Variants in CCDC141 observed in about 807,000 individuals in gnomAD.
CCDC141 encodes coiled-coil domain containing 141.
A neutral mutation model predicts 181.0 loss-of-function variants in CCDC141; 168 were observed. That is an observed-to-expected ratio of 0.93 (90% CI 0.82 to 1.05). CCDC141 has a LOEUF of 1.05. CCDC141 is among the 50% of genes least tolerant of loss of function. CCDC141 has a pLI of 0.00. For synonymous variants in CCDC141, 666 were observed against 642.3 expected, an observed-to-expected ratio of 1.04 and a Z score of -0.56; for missense variants, 1,902 against 1,788.5, an observed-to-expected ratio of 1.06 and a Z score of -1.14.
At chr2:178,885,624 A>T (rs538542675) in intron 10 of CCDC141, among the ~76,000 whole-genome samples, 1 of 152,322 alleles carries the variant, frequency 6.6e-6, no homozygotes, top group African/African-American at 2.4e-5. Context: ...AAAATCAGTG[A>T]CTTTGACTTG....
At chr2:178,910,097 G>A (rs1005681694) in intron 7 of CCDC141, among the ~76,000 whole-genome samples, 3 of 152,106 alleles carry the variant, frequency 2.0e-5, no homozygotes, top group Admixed American at 2.0e-4. Context: ...AACCAATAAA[G>A]ACCTTTCCTT....
chr2:178,817,841 T>C, the CCDC141 span, among the ~76,000 whole-genome samples: 1 of 124,872 alleles, frequency 8.0e-6, no homozygotes, highest in African/African-American at 3.2e-5. Flanking sequence ...CTCATTCTGT[T>C]GCCTAGGCTG....
chr2:178,944,772 CCA>C, intron 5 of CCDC141, 121 bp from the exon 6 acceptor site: 1 of 463,998 alleles, frequency 2.2e-6, no homozygotes, highest in Non-Finnish European at 3.8e-6. Flanking sequence ...TTTATATAAA[CCA>C]TCTCATGTAT....
At chr2:178,968,261 C>A (rs936412960) in intron 4 of CCDC141, among the ~76,000 whole-genome samples, 1 of 152,204 alleles carries the variant, frequency 6.6e-6, no homozygotes, top group African/African-American at 2.4e-5. Flanking sequence ...CAGAACTCTC[C>A]ACCTCAATTC....
chr2:178,849,195 A>C (rs990378507), intron 21 of CCDC141, among the ~76,000 whole-genome samples: 8 of 152,240 alleles, frequency 5.3e-5, no homozygotes, highest in Non-Finnish European at 1.2e-4. Context: ...TCTGAACTGC[A>C]AGACCACCAC....
intron 2 of CCDC141, among the ~76,000 whole-genome samples, chr2:179,003,859 A>G (rs1387580841): frequency 1.3e-5 from 2 of 151,670 alleles, no homozygotes; most frequent in Non-Finnish European, 3.0e-5. Flanking sequence ...TGTTTTTAAA[A>G]TAATTGCTTT....
At chr2:178,854,694 T>C (rs1685309087) in intron 19 of CCDC141, among the ~76,000 whole-genome samples, 1 of 152,208 alleles carries the variant, frequency 6.6e-6, no homozygotes, top group Non-Finnish European at 1.5e-5. Flanking sequence ...ACTGATCATT[T>C]TGATTCTCCT....
chr2:178,872,473 A>G (rs189537488), intron 12 of CCDC141, among the ~76,000 whole-genome samples, 161 bp from the exon 13 acceptor site: 12 of 152,290 alleles, frequency 7.9e-5, no homozygotes, highest in Admixed American at 5.9e-4. Context: ...GGCACAGTTC[A>G]GCTCTCGGAA....
chr2:178,840,068 A>G (rs1684659758), intron 22 of CCDC141, among the ~76,000 whole-genome samples: 1 of 152,180 alleles, frequency 6.6e-6, no homozygotes, highest in African/African-American at 2.4e-5. Context: ...GTTTCCACCA[A>G]TGGATCTGAA....
At chr2:178,966,787 T>C (rs1236583812) in intron 4 of CCDC141, among the ~76,000 whole-genome samples, 1 of 151,554 alleles carries the variant, frequency 6.6e-6, no homozygotes, top group African/African-American at 2.4e-5. Flanking sequence ...AGAAGGTAGG[T>C]AATAACAAAC....
intron 8 of CCDC141, among the ~76,000 whole-genome samples, chr2:178,901,723 T>A: frequency 6.6e-6 from 1 of 150,842 alleles, no homozygotes; most frequent in Admixed American, 6.6e-5. Context: ...CTCTCACCAC[T>A]CCTATTCAAC....
chr2:178,870,298 T>C (rs1263880992), intron 14 of CCDC141, among the ~76,000 whole-genome samples: 4 of 148,024 alleles, frequency 2.7e-5, no homozygotes, highest in African/African-American at 1.0e-4. Flanking sequence ...ATTTCAAGTG[T>C]AGATCTTTTG....
intron 7 of CCDC141, among the ~76,000 whole-genome samples, chr2:178,914,333 A>C (rs1274430204): frequency 1.3e-5 from 2 of 152,232 alleles, no homozygotes; most frequent in African/African-American, 4.8e-5. Flanking sequence ...CACATTAGGA[A>C]ACTCTAAAAA....
At chr2:178,967,915 T>TA (rs1029696043) in intron 4 of CCDC141, among the ~76,000 whole-genome samples, 9 of 149,534 alleles carry the variant, frequency 6.0e-5, no homozygotes, top group African/African-American at 1.5e-4. Context: ...AAATGGAAAG[T>TA]AAAAAAAAAG....
rs1690391825 is a variant in CCDC141, at chr2:178,961,412, A to G, written c.598T>C (p.Cys200Arg). The G allele has an allele frequency of 6.4e-7, 1 of 1,550,520 alleles. No homozygotes were observed. Among genetic ancestry groups the G allele is most frequent in the Non-Finnish European group, 8.7e-7 (1 of 1,146,934 alleles). Reference protein sequence around the residue: ...QLTDFIEKFKCEGPNVNPELT... With the variant: ...QLTDFIEKFKREGPNVNPELT... The stretch of plus-strand genomic sequence containing the variant: ...TCAGGATTCACATTAGGTCCTTCAC[A>G]CTTGAATTTTTCTATGAAGTCAGTG... The change falls in exon 5 of 24, where the codon TGT becomes CGT. Residue 200 changes from cysteine (C) to arginine (R), a missense_variant. Coordinates refer to ENST00000443758, the MANE Select transcript of CCDC141 (RefSeq NM_173648.4).
At chr2:179,049,810 C>G in intron 1 of CCDC141, 30 bp downstream of exon 1, 1 of 1,549,974 alleles carries the variant, frequency 6.5e-7, no homozygotes, top group South Asian at 1.2e-5. Context: ...AGCCCACAGC[C>G]GCACAGAAAA....
At chr2:178,955,250 A>C (rs947945246) in intron 5 of CCDC141, among the ~76,000 whole-genome samples, 1 of 152,076 alleles carries the variant, frequency 6.6e-6, no homozygotes, top group African/African-American at 2.4e-5. Flanking sequence ...GTGCCACTGC[A>C]CTCCAGCCTG....
chr2:179,024,037 G>A (rs947304128), intron 2 of CCDC141, among the ~76,000 whole-genome samples: 3 of 152,230 alleles, frequency 2.0e-5, no homozygotes, highest in Non-Finnish European at 4.4e-5. Flanking sequence ...CGGCTTAGGT[G>A]AGGGCAAAGC....
intron 2 of CCDC141, among the ~76,000 whole-genome samples, chr2:179,003,953 T>C (rs2042053976): frequency 1.3e-5 from 2 of 152,214 alleles, no homozygotes; most frequent in African/African-American, 4.8e-5. Flanking sequence ...ATTTTTTGTA[T>C]ATGAAAACAA....
Sources: allele counts gnomAD v4.1 joint callset (sites outside exome capture counted in the v4.1 genomes callset), GRCh38; gene constraint gnomAD v4.1.1; transcripts MANE v1.5; gene names NCBI Gene and HGNC (gene_info 2026-07-23, HGNC 2026-07-21).